MUC22: variants seen among roughly 807,000 people sequenced by gnomAD.
MUC22 encodes mucin-22.
In MUC22, 24 loss-of-function variants were observed where a neutral mutation model predicts 40.3. The ratio of observed to expected loss-of-function variants is 0.60; its 90% CI spans 0.43 to 0.84. The LOEUF is 0.84. Among genes scored for constraint, MUC22 ranks in the 40% least tolerant of loss-of-function variants. The pLI is 0.00. For synonymous variants in MUC22, 765 were observed against 844.5 expected (o/e 0.91, Z 1.63); for missense variants, 1,926 against 2,130.7 (o/e 0.90, Z 1.89).
At chr6:31,023,781 A>T (rs532809005) in intron 1 of MUC22, among the ~76,000 whole-genome samples, 2 of 152,252 alleles carry the variant, frequency 1.3e-5, no homozygotes, top group African/African-American at 2.4e-5. Flanking sequence ...ACATCAATTT[A>T]GAAAAAAATT....
At chr6:31,015,054 T>A (rs1764097086) in intron 1 of MUC22, among the ~76,000 whole-genome samples, 1 of 152,168 alleles carries the variant, frequency 6.6e-6, no homozygotes, top group Non-Finnish European at 1.5e-5. Flanking sequence ...AGTTTAGGAT[T>A]GGCTGGTTTG....
At chr6:31,026,469 G>A (rs1437227481) in exon 2 of MUC22, 1 of 1,505,622 alleles carries the variant, frequency 6.6e-7, no homozygotes, top group Non-Finnish European at 8.9e-7. Context: ...CAGGCTCTGA[G>A]ACCACCGTCT....
chr6:31,012,687 CTT>C lies in MUC22; in HGVS notation c.70+1914_70+1915del, dbSNP rs149759369. Among the ~76,000 whole-genome samples, 1,167 of 152,310 alleles carry C rather than the reference CTT, an allele frequency of 7.7e-3. 14 individuals are homozygous for C. The highest frequency in any genetic ancestry group is 0.026 in the African/African-American group (1,084 of 41,556). ...GTGCAAGGGCTGAAAGGCCCCTCCT[CTT>C]TTCCTACCACTAGATCTATAAAGTA... On this transcript the variant is annotated intron_variant, in intron 1 of 3. Coordinates refer to ENST00000561890, the Ensembl canonical transcript of MUC22.
At chr6:31,021,667 T>C (rs1468397534) in intron 1 of MUC22, among the ~76,000 whole-genome samples, 5 of 152,034 alleles carry the variant, frequency 3.3e-5, no homozygotes, top group African/African-American at 1.2e-4. Context: ...CCATATTCTG[T>C]ATCTAACTAA....
At chr6:31,031,534 A>G (rs750447173) in intron 2 of MUC22, among the ~76,000 whole-genome samples, 7 of 152,012 alleles carry the variant, frequency 4.6e-5, no homozygotes, top group Non-Finnish European at 1.0e-4. Flanking sequence ...TTTTTTCCAT[A>G]AGTTATTGGG....
chr6:31,031,661 C>T (rs115779516), intron 2 of MUC22, among the ~76,000 whole-genome samples: 1,732 of 152,102 alleles, frequency 0.011, 30 homozygotes, highest in East Asian at 0.065. Flanking sequence ...TTATCCCTCG[C>T]CCCCTCCCAC....
In MUC22 at chr6:31,027,686, GCT is replaced by G. The variant is rs1562609340; in HGVS notation, c.2258_2259del (p.Ser753Ter). On this transcript the variant is annotated frameshift_variant, in exon 2 of 4. Transcript: ENST00000561890. LOFTEE classifies it high-confidence loss of function. ...GAGACCACCACAGTCTTTACCATAG[GCT>G]CTGACACCACCACAGCCTCTACTGA... 6.5e-7 allele frequency: 1 copy of G among 1,530,656 alleles called. No individual in the cohort carries two copies. The highest frequency in any genetic ancestry group is 2.5e-5 in the East Asian group (1 of 40,638). The allele number at this position is 1,530,656 out of a possible 1,614,324, so 94.8% of individuals were successfully genotyped here. A position where few individuals can be genotyped will look rare whatever the true frequency, so the allele number is the denominator to read the frequency against.
upstream of MUC22, among the ~76,000 whole-genome samples, chr6:31,008,631 C>T (rs1435097659): frequency 6.6e-6 from 1 of 151,338 alleles, no homozygotes; most frequent in African/African-American, 2.4e-5. Flanking sequence ...TCACTACAAC[C>T]TCTGCCTCCC....
intron 1 of MUC22, among the ~76,000 whole-genome samples, chr6:31,022,259 G>A (rs1764876447): frequency 6.6e-6 from 1 of 152,176 alleles, no homozygotes; most frequent in Admixed American, 6.5e-5. Flanking sequence ...CTGGGTTCAA[G>A]CGATTTTCCT....
exon 4 of MUC22, chr6:31,035,171 A>T (rs1766364350): frequency 1.9e-6 from 1 of 531,704 alleles, no homozygotes; most frequent in Non-Finnish European, 3.3e-6. Flanking sequence ...AGGACCTCAG[A>T]GACTTTGACT....
chr6:31,022,236 A>G (rs932523568), intron 1 of MUC22, among the ~76,000 whole-genome samples: 1 of 152,150 alleles, frequency 6.6e-6, no homozygotes. Context: ...AGAACCCACC[A>G]ATTCCAGACA....
intron 2 of MUC22, among the ~76,000 whole-genome samples, 157 bp downstream of exon 2, chr6:31,030,257 C>T (rs1765954547): frequency 6.6e-6 from 1 of 152,186 alleles, no homozygotes; most frequent in Non-Finnish European, 1.5e-5. Context: ...GTGGCTCATG[C>T]CTGTAATCCC....
chr6:31,028,150 A>T, exon 2 of MUC22: 1 of 1,532,914 alleles, frequency 6.5e-7, no homozygotes, highest in Admixed American at 2.0e-5. Context: ...TGAGACCACC[A>T]TGGTCTCTAC....
Position 31,032,117 on chromosome 6 carries a change from C to G in MUC22, c.4670-79C>G. ...CCACCATAGGTTTGTTAGATTCACCCTCCTCTGGTCTAAGCACCCCCATTC... is the reference window on the plus strand; with the variant it reads ...CCACCATAGGTTTGTTAGATTCACCGTCCTCTGGTCTAAGCACCCCCATTC... On this transcript the variant is annotated intron_variant, in intron 2 of 3. Coordinates refer to ENST00000561890, the Ensembl canonical transcript of MUC22. This position sits in a 1 kb window ranked among gnomAD's most constrained non-coding sequence, Gnocchi z 4.1. 3 of 1,428,710 alleles carry G rather than the reference C, an allele frequency of 2.1e-6. No homozygotes were observed. Among genetic ancestry groups the G allele is most frequent in the Non-Finnish European group, 2.8e-6 (3 of 1,081,636 alleles). 88.5% of individuals were successfully genotyped at this position (1,428,710 alleles called of 1,614,324 possible). A position where few individuals can be genotyped will look rare whatever the true frequency, so the allele number is the denominator to read the frequency against.
At chr6:31,020,507 C>G (rs909436208) in intron 1 of MUC22, among the ~76,000 whole-genome samples, 2 of 142,154 alleles carry the variant, frequency 1.4e-5, no homozygotes, top group Admixed American at 1.5e-4. Context: ...CGTAATGGCA[C>G]GATCTTGGCT....
At chr6:31,027,633 G>A (rs1354764092) in exon 2 of MUC22, 1 of 1,529,044 alleles carries the variant, frequency 6.5e-7, no homozygotes, top group South Asian at 1.2e-5. Context: ...CAGGCTCTGA[G>A]ACCACCACAG....
At position 31,032,369 on chromosome 6, in the gene MUC22, A is replaced by G; in HGVS notation, c.4843A>G (p.Arg1615Gly). The G allele has an allele frequency of 6.5e-7, 1 of 1,535,734 alleles. No homozygotes were observed. The highest frequency in any genetic ancestry group is 8.7e-7 in the Non-Finnish European group (1 of 1,146,918). The stretch of plus-strand genomic sequence containing the variant: ...ATCTACCACCTCAGCCCACGGCGTC[A>G]GGACCACCACAGGATCCACCCGTGA... The change falls in exon 3 of 4, where the codon AGG becomes GGG. Residue 1615 changes from arginine to glycine, a missense_variant. Physicochemically the swap from Arg to Gly is moderately radical, Grantham distance 125 (BLOSUM62 -2). Coordinates refer to ENST00000561890, the Ensembl canonical transcript of MUC22. The surrounding 1 kb of genome is among the most constrained non-coding windows in gnomAD (Gnocchi z 4.1).
At chr6:31,010,229 T>C (rs1041736410), upstream of MUC22, among the ~76,000 whole-genome samples, 1 of 152,062 alleles carries the variant, frequency 6.6e-6, no homozygotes. Flanking sequence ...AAAGGGTGGG[T>C]CCCTTCCACT....
At chr6:31,017,853 T>A in intron 1 of MUC22, among the ~76,000 whole-genome samples, 1 of 152,018 alleles carries the variant, frequency 6.6e-6, no homozygotes, top group East Asian at 1.9e-4. Flanking sequence ...GCTTGGGTAC[T>A]CTTCTATAGT....
Sources: gnomAD v4.1 joint callset for allele counts (sites outside exome capture counted in the v4.1 genomes callset) on GRCh38, gnomAD v4.1.1 for gene constraint, Gnocchi (gnomAD v3.1) non-coding constraint, MANE v1.5 for transcripts, NCBI Gene and HGNC (gene_info 2026-07-23, HGNC 2026-07-21) for gene names.